CBLB: variants seen among roughly 807,000 people sequenced by gnomAD.
The protein encoded by CBLB is E3 ubiquitin-protein ligase CBL-B.
Under a neutral mutation model 104.9 loss-of-function variants are expected in CBLB, and 31 were observed. That is an observed-to-expected ratio of 0.30 (90% CI 0.22 to 0.40). The LOEUF (loss-of-function observed/expected upper bound fraction) is 0.40. Among genes scored for constraint, CBLB ranks in the 10% least tolerant of loss-of-function variants. CBLB has a pLI of 1.00. For missense variants in CBLB, 1,062 were observed against 1,214.6 expected, an observed-to-expected ratio of 0.87 and a Z score of 1.87; for synonymous variants, 440 against 422.6, an observed-to-expected ratio of 1.04 and a Z score of -0.51.
In CBLB at chr3:105,830,363, C is replaced by T. The variant is rs75235545; in HGVS notation, c.419+23051G>A. The stretch of plus-strand genomic sequence containing the variant: ...GCAATATTTCCTATCAAAGACTTTT[C>T]CTTTGTTGTATGTAATAATTTCCCC... On this transcript the variant is annotated intron_variant, in intron 3 of 18. Transcript: ENST00000394030. Among the ~76,000 whole-genome samples, 967 of 152,234 alleles carry T rather than the reference C, an allele frequency of 6.4e-3. 30 individuals are homozygous for T. The highest frequency in any genetic ancestry group is 0.054 in the East Asian group (280 of 5,172).
chr3:105,847,428 A>ACCCC (rs35414836), intron 3 of CBLB, among the ~76,000 whole-genome samples: 3 of 146,374 alleles, frequency 2.0e-5, no homozygotes, highest in African/African-American at 7.7e-5. Context: ...ACACACACAC[A>ACCCC]CCCCATTTTG....
chr3:105,786,066 G>GGGT (rs1553794755), intron 3 of CBLB, among the ~76,000 whole-genome samples: 3 of 145,662 alleles, frequency 2.1e-5, no homozygotes, highest in Admixed American at 6.9e-5. Flanking sequence ...AGGATCGGGG[G>GGGT]GGGGAAAGTG....
chr3:105,827,308 T>C (rs980695039), intron 3 of CBLB, among the ~76,000 whole-genome samples: 1 of 152,206 alleles, frequency 6.6e-6, no homozygotes, highest in African/African-American at 2.4e-5. Flanking sequence ...TCATTCATCA[T>C]TATGAAACTT....
chr3:105,701,142 A>C (rs1550713), intron 12 of CBLB, among the ~76,000 whole-genome samples: 3,409 of 152,314 alleles, frequency 0.022, 90 homozygotes, highest in East Asian at 0.12. Flanking sequence ...CAAGAATTCT[A>C]AAGTAAATGA....
At chr3:105,674,491 G>C (rs13317635) in intron 17 of CBLB, among the ~76,000 whole-genome samples, 33,513 of 152,098 alleles carry the variant, frequency 0.22, 3,813 homozygotes, top group Admixed American at 0.26. Context: ...TTACAGGTTA[G>C]AGAAACAGCA....
intron 9 of CBLB, among the ~76,000 whole-genome samples, chr3:105,726,117 G>A (rs929694391): frequency 1.3e-5 from 2 of 152,160 alleles, no homozygotes; most frequent in African/African-American, 4.8e-5. Flanking sequence ...TCAAAGTGCT[G>A]GGATTACAGG....
rs149725330 is a variant in CBLB, at chr3:105,707,109, G to A, written c.1408-2936C>T. Among the ~76,000 whole-genome samples the A allele has an allele frequency of 2.9e-3, 442 of 152,304 alleles. 4 individuals carry two copies. Among genetic ancestry groups the A allele is most frequent in the Middle Eastern group, 0.02 (6 of 294 alleles). On this transcript the variant is annotated intron_variant, in intron 10 of 18. Transcript: ENST00000394030. The stretch of plus-strand genomic sequence containing the variant: ...TGTGTTGAAGAGCCTGTTGGATACT[G>A]AAAGAGTATAATGAAAATCCTCAGA...
chr3:105,797,376 G>A (rs1261158785), intron 3 of CBLB, among the ~76,000 whole-genome samples: 1 of 152,108 alleles, frequency 6.6e-6, no homozygotes, highest in Non-Finnish European at 1.5e-5. Flanking sequence ...GCTCTCACTT[G>A]ATGTTTAGTT....
intron 9 of CBLB, among the ~76,000 whole-genome samples, chr3:105,732,538 C>A (rs747645742): frequency 6.6e-5 from 10 of 152,076 alleles, no homozygotes; most frequent in Non-Finnish European, 1.3e-4. Flanking sequence ...ACTGAGGTAG[C>A]AAAGATCTCT....
intron 3 of CBLB, among the ~76,000 whole-genome samples, chr3:105,776,794 T>A (rs747741821): frequency 6.6e-6 from 1 of 152,040 alleles, no homozygotes; most frequent in Non-Finnish European, 1.5e-5. Context: ...ACAAATAAGA[T>A]AAATTACATA....
intron 4 of CBLB, among the ~76,000 whole-genome samples, chr3:105,759,348 C>T (rs1335854763): frequency 6.6e-6 from 1 of 152,144 alleles, no homozygotes; most frequent in Non-Finnish European, 1.5e-5. Context: ...TGAACTCCAC[C>T]AGGAACTGAC....
chr3:105,744,269 A>G (rs1034501266), intron 6 of CBLB, among the ~76,000 whole-genome samples: 3 of 152,230 alleles, frequency 2.0e-5, no homozygotes, highest in Admixed American at 2.0e-4. Context: ...TAAATTTTGT[A>G]TGACTGCATA....
At chr3:105,820,932 C>T (rs1471848261) in intron 3 of CBLB, among the ~76,000 whole-genome samples, 3 of 151,836 alleles carry the variant, frequency 2.0e-5, no homozygotes, top group Non-Finnish European at 2.9e-5. Context: ...ACTAAAAATT[C>T]AACATTTTAA....
At position 105,693,480 on chromosome 3, in the gene CBLB, T is replaced by C; in HGVS notation, c.2054+14A>G. The C allele has an allele frequency of 6.4e-7, 1 of 1,573,518 alleles. No homozygotes were observed. The highest frequency in any genetic ancestry group is 8.7e-7 in the Non-Finnish European group (1 of 1,143,798). ...ATGCATAGACAAGTGATCTCCAAAT[T>C]CAACAAAACTCACTTTATGCTAGGG... On this transcript the variant is annotated intron_variant, in intron 13 of 18. Transcript: ENST00000394030.
intron 2 of CBLB, among the ~76,000 whole-genome samples, chr3:105,859,448 G>T (rs143190511): frequency 2.0e-5 from 3 of 152,100 alleles, no homozygotes; most frequent in Non-Finnish European, 4.4e-5. Flanking sequence ...TCAGGAGATC[G>T]AGAACATCTT....
chr3:105,659,855 GT>G (rs2063611772), intron 18 of CBLB, among the ~76,000 whole-genome samples: 2 of 152,124 alleles, frequency 1.3e-5, no homozygotes, highest in Non-Finnish European at 2.9e-5. Context: ...TGACTCTACT[GT>G]TAGTCAACAG....
intron 3 of CBLB, among the ~76,000 whole-genome samples, chr3:105,820,984 C>T (rs1481736316): frequency 6.6e-6 from 1 of 151,886 alleles, no homozygotes; most frequent in Admixed American, 6.6e-5. Context: ...TACCTTTTAC[C>T]TATATCATTG....
Position 105,656,638 on chromosome 3 carries a change from G to T in CBLB, c.*2332C>A, listed in dbSNP as rs1238885966. The T allele has an allele frequency of 6.9e-6, 1 of 145,982 alleles. No individual in the cohort carries two copies. The highest frequency in any genetic ancestry group is 1.3e-5 in the Non-Finnish European group (1 of 78,296). The allele number at this position is 145,982 out of a possible 1,614,324, so 9.0% of individuals were successfully genotyped here. ...CCCCACCCCCCACCCCCAAATTTCA[G>T]GTCCAGGTTTGCTATATCATCACTA... is the stretch of plus-strand genomic sequence containing the variant. On this transcript the variant is annotated 3_prime_UTR_variant, in exon 19 of 19. Coordinates refer to ENST00000394030, the MANE Select transcript of CBLB (RefSeq NM_170662.5).
chr3:105,794,566 G>A (rs1029693126), intron 3 of CBLB, among the ~76,000 whole-genome samples: 2 of 152,176 alleles, frequency 1.3e-5, no homozygotes, highest in Admixed American at 6.6e-5. Context: ...ACCTAAAGCT[G>A]TGACAGACCC....
Sources: gnomAD v4.1 joint callset for allele counts (sites outside exome capture counted in the v4.1 genomes callset) on GRCh38, gnomAD v4.1.1 for gene constraint, MANE v1.5 for transcripts, NCBI Gene and HGNC (gene_info 2026-07-23, HGNC 2026-07-21) for gene names.